Variants in SPATA6 observed in about 807,000 individuals in gnomAD.
SPATA6 encodes spermatogenesis associated 6.
SPATA6 carries 56 observed loss-of-function variants against 65.3 expected under a neutral mutation model. The observed-to-expected ratio is 0.86, with a 90% confidence interval of 0.69 to 1.07. The LOEUF is 1.07. Among genes scored for constraint, SPATA6 ranks in the 50% least tolerant of loss-of-function variants. The pLI is 0.00. For missense variants in SPATA6, 590 were observed against 594.8 expected (o/e 0.99, Z 0.08); for synonymous variants, 199 against 213.2 (o/e 0.93, Z 0.58).
At chr1:48,312,918 G>A (rs1645267180) in intron 11 of SPATA6, among the ~76,000 whole-genome samples, 1 of 152,186 alleles carries the variant, frequency 6.6e-6, no homozygotes, top group Non-Finnish European at 1.5e-5. Flanking sequence ...CTCAGTAGCT[G>A]ATTCAATCAA....
intron 11 of SPATA6, among the ~76,000 whole-genome samples, chr1:48,328,187 A>G (rs1287306595): frequency 2.0e-5 from 3 of 152,174 alleles, no homozygotes; most frequent in Non-Finnish European, 4.4e-5. Context: ...CAGAAAAGAT[A>G]GCTAATAAAA....
At chr1:48,459,204 C>CAAAAAAAAAAAAAAAAAA (rs35079974) in intron 1 of SPATA6, among the ~76,000 whole-genome samples, 1 of 66,394 alleles carries the variant, frequency 1.5e-5, no homozygotes, top group Non-Finnish European at 2.9e-5. Flanking sequence ...GACTCCATAT[C>CAAAAAAAAAAAAAAAAAA]AAAAAAAAAA....
chr1:48,342,695 T>C (rs1646254680), intron 11 of SPATA6, among the ~76,000 whole-genome samples: 1 of 152,026 alleles, frequency 6.6e-6, no homozygotes, highest in South Asian at 2.1e-4. Context: ...TGTGAGATAT[T>C]AGAAGAGCAG....
the SPATA6 span, among the ~76,000 whole-genome samples, chr1:48,287,327 C>G: frequency 2.7e-4 from 41 of 152,284 alleles, no homozygotes; most frequent in Non-Finnish European, 4.6e-4. Context: ...ATCAAATCAC[C>G]TCCCACCAGG....
chr1:48,283,860 C>A, the SPATA6 span, among the ~76,000 whole-genome samples: 14 of 152,164 alleles, frequency 9.2e-5, no homozygotes, highest in African/African-American at 2.2e-4. Flanking sequence ...CTGCCCTTAA[C>A]ATTTTTTCAT....
chr1:48,450,302 C>T (rs1281546941), intron 3 of SPATA6, among the ~76,000 whole-genome samples: 5 of 131,646 alleles, frequency 3.8e-5, no homozygotes, highest in Admixed American at 2.3e-4. Flanking sequence ...AAAAGGGTAC[C>T]AAAAAATGGA....
At chr1:48,383,307 C>T (rs1648981811) in intron 9 of SPATA6, among the ~76,000 whole-genome samples, 1 of 50,944 alleles carries the variant, frequency 2.0e-5, no homozygotes, top group South Asian at 9.6e-4. Flanking sequence ...GGGCGGGGGG[C>T]TGACCCCCCC....
chr1:48,454,729 G>A (rs1656871775), intron 1 of SPATA6, among the ~76,000 whole-genome samples: 1 of 152,070 alleles, frequency 6.6e-6, no homozygotes, highest in Non-Finnish European at 1.5e-5. Context: ...GTCTAGCTTT[G>A]AGTTTTTTAT....
At chr1:48,318,516 C>T (rs1645505402) in intron 11 of SPATA6, among the ~76,000 whole-genome samples, 1 of 151,940 alleles carries the variant, frequency 6.6e-6, no homozygotes, top group Non-Finnish European at 1.5e-5. Flanking sequence ...GAAACAATAC[C>T]ATGTAAAATA....
chr1:48,291,457 G>A (rs570682045), downstream of SPATA6, among the ~76,000 whole-genome samples: 1 of 152,294 alleles, frequency 6.6e-6, no homozygotes, highest in East Asian at 1.9e-4. Flanking sequence ...TATGTTCCCA[G>A]GAGGAATATG....
At chr1:48,417,972 C>A (rs1259525820) in intron 3 of SPATA6, among the ~76,000 whole-genome samples, 1 of 152,098 alleles carries the variant, frequency 6.6e-6, no homozygotes, top group Non-Finnish European at 1.5e-5. Context: ...AGCCAGGACA[C>A]CTATGGAAGG....
intron 3 of SPATA6, among the ~76,000 whole-genome samples, chr1:48,421,997 T>A (rs926779302): frequency 6.6e-6 from 1 of 152,022 alleles, no homozygotes; most frequent in Non-Finnish European, 1.5e-5. Context: ...AATGTGTGTA[T>A]CAAATGGAAA....
At chr1:48,327,332 A>G (rs573104919) in intron 11 of SPATA6, among the ~76,000 whole-genome samples, 1 of 152,234 alleles carries the variant, frequency 6.6e-6, no homozygotes, top group Non-Finnish European at 1.5e-5. Flanking sequence ...CTACTACGAA[A>G]AAGTCAAAAA....
chr1:48,451,080 A>C (rs1557725478), intron 3 of SPATA6, among the ~76,000 whole-genome samples: 1 of 152,230 alleles, frequency 6.6e-6, no homozygotes, highest in Non-Finnish European at 1.5e-5. Context: ...CCTTGAAAAA[A>C]TGTGTTTTTC....
At chr1:48,321,242 C>A (rs1053625900) in intron 11 of SPATA6, among the ~76,000 whole-genome samples, 9 of 151,998 alleles carry the variant, frequency 5.9e-5, no homozygotes. Flanking sequence ...TTAAAAACAA[C>A]AACAACAACA....
At chr1:48,428,775 A>ATGTGTGTG (rs59651745) in intron 3 of SPATA6, among the ~76,000 whole-genome samples, 5,124 of 133,408 alleles carry the variant, frequency 0.038, 244 homozygotes, top group Admixed American at 0.13. Context: ...AGGTGTATAT[A>ATGTGTGTG]TGTGTGTGTG....
intron 1 of SPATA6, among the ~76,000 whole-genome samples, chr1:48,459,122 T>C (rs1223063440): frequency 6.7e-6 from 1 of 150,316 alleles, no homozygotes; most frequent in African/African-American, 2.5e-5. Flanking sequence ...GGAGAACTGC[T>C]TGAACCCAGG....
At chr1:48,303,359 C>G (rs988857224) in intron 12 of SPATA6, among the ~76,000 whole-genome samples, 2 of 152,224 alleles carry the variant, frequency 1.3e-5, no homozygotes, top group Non-Finnish European at 1.5e-5. Context: ...CTATCAAACT[C>G]TAGAACTTAA....
chr1:48,340,215 A>G (rs1646171861), intron 11 of SPATA6, among the ~76,000 whole-genome samples: 1 of 147,088 alleles, frequency 6.8e-6, no homozygotes, highest in Non-Finnish European at 1.5e-5. Flanking sequence ...TAAAGATGAC[A>G]AAAATTATCC....
Sources: gnomAD v4.1 joint callset for allele counts (sites outside exome capture counted in the v4.1 genomes callset) on GRCh38, gnomAD v4.1.1 for gene constraint, MANE v1.5 for transcripts, NCBI Gene and HGNC (gene_info 2026-07-23, HGNC 2026-07-21) for gene names.